PRKCI: variants seen among roughly 807,000 people sequenced by gnomAD.
PRKCI encodes the protein protein kinase C iota type.
A neutral mutation model predicts 84.0 loss-of-function variants in PRKCI; 43 were observed. The ratio of observed to expected loss-of-function variants is 0.51; its 90% CI spans 0.40 to 0.66. The LOEUF is 0.66. Ranked by LOEUF, PRKCI falls within the 30% of genes least tolerant of loss-of-function variation. The pLI, the probability that PRKCI is intolerant of heterozygous loss-of-function variation, is 0.00. For synonymous variants in PRKCI, 216 were observed against 234.4 expected, an observed-to-expected ratio of 0.92 and a Z score of 0.72; for missense variants, 459 against 745.6, an observed-to-expected ratio of 0.62 and a Z score of 4.48.
chr3:170,256,979 C>T (rs1357766860), intron 2 of PRKCI, among the ~76,000 whole-genome samples: 1 of 151,854 alleles, frequency 6.6e-6, no homozygotes, highest in African/African-American at 2.4e-5. Context: ...TTTGTAGTTC[C>T]CAAAGTCCAT....
chr3:170,282,513 A>G (rs1734272345), intron 11 of PRKCI, among the ~76,000 whole-genome samples: 1 of 151,750 alleles, frequency 6.6e-6, no homozygotes, highest in African/African-American at 2.4e-5. Flanking sequence ...CCTGGCCAAC[A>G]TGGTGAAACC....
At chr3:170,238,496 A>G (rs1225781830) in intron 2 of PRKCI, among the ~76,000 whole-genome samples, 1 of 150,142 alleles carries the variant, frequency 6.7e-6, no homozygotes, top group Non-Finnish European at 1.5e-5. Context: ...ATAGTATTAC[A>G]TATTATAGAT....
At chr3:170,234,899 T>C (rs77139862) in intron 1 of PRKCI, among the ~76,000 whole-genome samples, 3,097 of 152,032 alleles carry the variant, frequency 0.02, 52 homozygotes, top group East Asian at 0.085. Flanking sequence ...ACCTCCCATG[T>C]TCCCCCCCTG....
At chr3:170,257,905 C>T (rs1238196636) in intron 2 of PRKCI, among the ~76,000 whole-genome samples, 2 of 152,030 alleles carry the variant, frequency 1.3e-5, no homozygotes, top group African/African-American at 4.8e-5. Context: ...CTCAGGCGAT[C>T]CACCCACCTT....
intron 1 of PRKCI, among the ~76,000 whole-genome samples, chr3:170,227,013 G>A (rs1386815405): frequency 6.6e-6 from 1 of 152,202 alleles, no homozygotes; most frequent in Non-Finnish European, 1.5e-5. Context: ...GGAGAGTCTG[G>A]CGAGGCCAGA....
At chr3:170,251,074 A>C (rs1733432259) in intron 2 of PRKCI, among the ~76,000 whole-genome samples, 1 of 152,224 alleles carries the variant, frequency 6.6e-6, no homozygotes, top group Non-Finnish European at 1.5e-5. Context: ...TAGCGACATA[A>C]AAATAGGTTT....
chr3:170,251,905 CAAAAA>C (rs748277484), intron 2 of PRKCI, among the ~76,000 whole-genome samples: 1 of 125,598 alleles, frequency 8.0e-6, no homozygotes, highest in African/African-American at 3.0e-5. Context: ...AAGACTGTCT[CAAAAA>C]AAAAAAAGAA....
chr3:170,263,392 ACCAGAACGTC>A lies in PRKCI; in HGVS notation c.329_338del (p.Pro110LeufsTer88), dbSNP rs765399314. On this transcript the variant is annotated frameshift_variant, in exon 4 of 18. Transcript: ENST00000295797. LOFTEE classifies it high-confidence loss of function. Reference sequence around the variant, plus strand: ...ATTTTCTTTCAGTGTTCCCTTGTGTACCAGAACGTCCTGGGATGCCTTGTCCAGGAGAAGA... The same window carrying A: ...ATTTTCTTTCAGTGTTCCCTTGTGTACTGGGATGCCTTGTCCAGGAGAAGA... 6.2e-7 allele frequency: 1 copy of A among 1,603,066 alleles called. No homozygotes were observed. The highest frequency in any genetic ancestry group is 1.1e-5 in the South Asian group (1 of 90,770).
intron 16 of PRKCI, 102 bp downstream of exon 16, chr3:170,297,495 C>G: frequency 1.0e-6 from 1 of 959,470 alleles, no homozygotes; most frequent in Non-Finnish European, 1.6e-6. Context: ...TGCTCTGTCA[C>G]CGAGGCTGGA....
chr3:170,280,141 C>T (rs975973017), intron 8 of PRKCI, 86 bp from the exon 9 acceptor site: 28 of 1,128,358 alleles, frequency 2.5e-5, no homozygotes, highest in East Asian at 7.9e-5. Flanking sequence ...ATCTTTAAAT[C>T]GTTATAGGTA....
chr3:170,291,487 A>G (rs1734549756), intron 12 of PRKCI, among the ~76,000 whole-genome samples: 1 of 152,154 alleles, frequency 6.6e-6, no homozygotes. Context: ...ACTTGAGGCC[A>G]GGAGATCGAG....
At chr3:170,249,575 G>A (rs1312178986) in intron 2 of PRKCI, among the ~76,000 whole-genome samples, 1 of 152,022 alleles carries the variant, frequency 6.6e-6, no homozygotes, top group Non-Finnish European at 1.5e-5. Context: ...GATTGCTTGA[G>A]CCTAGGAGTT....
At chr3:170,276,122 AG>A (rs1734107402) in intron 8 of PRKCI, among the ~76,000 whole-genome samples, 1 of 151,910 alleles carries the variant, frequency 6.6e-6, no homozygotes. Flanking sequence ...TCTATTTTGT[AG>A]AGACAGAGTC....
intron 8 of PRKCI, among the ~76,000 whole-genome samples, chr3:170,276,516 G>A (rs190525331): frequency 1.3e-5 from 2 of 151,552 alleles, no homozygotes; most frequent in African/African-American, 4.9e-5. Context: ...CCGTGCAGTG[G>A]TGCAATGATG....
At chr3:170,257,368 G>A (rs752124360) in intron 2 of PRKCI, among the ~76,000 whole-genome samples, 8 of 152,148 alleles carry the variant, frequency 5.3e-5, no homozygotes, top group East Asian at 1.9e-4. Flanking sequence ...CTTTGCAACC[G>A]CAGTTTTGGT....
At chr3:170,238,684 T>A (rs1197414660) in intron 2 of PRKCI, among the ~76,000 whole-genome samples, 1 of 151,190 alleles carries the variant, frequency 6.6e-6, no homozygotes, top group Non-Finnish European at 1.5e-5. Context: ...CTCCTCCTCC[T>A]TGGTTCAAGC....
At chr3:170,245,954 T>TTTTTG (rs1553837912) in intron 2 of PRKCI, among the ~76,000 whole-genome samples, 2 of 121,354 alleles carry the variant, frequency 1.6e-5, no homozygotes, top group African/African-American at 3.2e-5. Context: ...TCTTTGTTTT[T>TTTTTG]TTTTTTTTTT....
intron 1 of PRKCI, among the ~76,000 whole-genome samples, chr3:170,234,874 C>G (rs949697487): frequency 2.0e-5 from 3 of 151,868 alleles, no homozygotes; most frequent in African/African-American, 7.3e-5. Flanking sequence ...GTGATCTCAG[C>G]TCACTGTAAC....
intron 17 of PRKCI, among the ~76,000 whole-genome samples, chr3:170,302,178 T>G (rs1012875242): frequency 2.0e-5 from 3 of 152,206 alleles, no homozygotes; most frequent in African/African-American, 4.8e-5. Flanking sequence ...TTCTTCAGCA[T>G]CATCTAACAC....
Sources: gnomAD v4.1 joint callset for allele counts (sites outside exome capture counted in the v4.1 genomes callset) on GRCh38, gnomAD v4.1.1 for gene constraint, MANE v1.5 for transcripts, NCBI Gene and HGNC (gene_info 2026-07-23, HGNC 2026-07-21) for gene names.